PTPRD: variants seen among roughly 807,000 people sequenced by gnomAD.
The protein encoded by PTPRD is receptor-type tyrosine-protein phosphatase delta.
PTPRD carries 34 observed loss-of-function variants against 214.5 expected under a neutral mutation model. The observed-to-expected ratio is 0.16, with a 90% CI of 0.12 to 0.21. The LOEUF (loss-of-function observed/expected upper bound fraction) is 0.21. PTPRD is among the 10% of genes least tolerant of loss of function. The pLI, the probability that PTPRD is intolerant of heterozygous loss-of-function variation, is 1.00. For missense variants in PTPRD, 2,545 were observed against 2,398.7 expected (o/e 1.06, Z -1.27); for synonymous variants, 1,128 against 845.7 (o/e 1.33, Z -5.79).
chr9:9,472,220 G>A (rs1187801024), intron 8 of PTPRD, among the ~76,000 whole-genome samples: 2 of 138,906 alleles, frequency 1.4e-5, no homozygotes, highest in African/African-American at 5.5e-5. Context: ...TTTTTGAGAC[G>A]GAGTCTTGCT....
At chr9:8,501,998 T>C (rs951839250) in intron 23 of PTPRD, among the ~76,000 whole-genome samples, 3 of 152,148 alleles carry the variant, frequency 2.0e-5, no homozygotes, top group African/African-American at 4.8e-5. Context: ...CTGGAAAAGA[T>C]ATAATTTCTG....
At chr9:10,473,381 T>G (rs2099043504) in intron 2 of PTPRD, among the ~76,000 whole-genome samples, 1 of 152,250 alleles carries the variant, frequency 6.6e-6, no homozygotes, top group African/African-American at 2.4e-5. Flanking sequence ...GTCTGGATAC[T>G]AGCATGTCTC....
chr9:10,115,156 C>T (rs2098720774), intron 3 of PTPRD, among the ~76,000 whole-genome samples: 1 of 151,840 alleles, frequency 6.6e-6, no homozygotes, highest in Admixed American at 6.6e-5. Flanking sequence ...AGAAAAGACA[C>T]ACACTATATT....
At chr9:10,185,927 A>G (rs917923368) in intron 3 of PTPRD, among the ~76,000 whole-genome samples, 1 of 152,276 alleles carries the variant, frequency 6.6e-6, no homozygotes, top group Non-Finnish European at 1.5e-5. Flanking sequence ...ATAAATAATG[A>G]GAGGTTCCAG....
chr9:10,553,143 C>T (rs2061715704), intron 2 of PTPRD, among the ~76,000 whole-genome samples: 1 of 152,106 alleles, frequency 6.6e-6, no homozygotes, highest in African/African-American at 2.4e-5. Flanking sequence ...TATTCCTGTC[C>T]ATCCAGCCTA....
Position 9,770,654 on chromosome 9 carries a change from C to T in PTPRD, c.-367-3803G>A, listed in dbSNP as rs906789607. On this transcript the variant is annotated intron_variant, in intron 5 of 45. Coordinates refer to ENST00000381196, the MANE Select transcript of PTPRD (RefSeq NM_002839.4). ...TTAACCTGTAAAATATGAATGTTTT[C>T]TTAATATTGATTTAGTGATGCTGAC... 3.3e-5 allele frequency among the ~76,000 whole-genome samples: 5 copies of T among 151,938 alleles called. No homozygotes were observed. In the East Asian group the frequency reaches 9.7e-4, roughly 29 times the overall value.
intron 34 of PTPRD, among the ~76,000 whole-genome samples, chr9:8,440,740 G>A (rs1256042496): frequency 6.6e-6 from 1 of 152,158 alleles, no homozygotes; most frequent in Non-Finnish European, 1.5e-5. Context: ...TTAGGTTGGA[G>A]GAAAAAACAA....
intron 3 of PTPRD, among the ~76,000 whole-genome samples, chr9:10,195,624 C>G (rs1243433555): frequency 6.6e-6 from 1 of 152,066 alleles, no homozygotes; most frequent in Non-Finnish European, 1.5e-5. Flanking sequence ...ATAATTTATC[C>G]CTCTGTCATC....
chr9:9,479,192 C>CACAT (rs937276297), intron 8 of PTPRD, among the ~76,000 whole-genome samples: 1 of 143,570 alleles, frequency 7.0e-6, no homozygotes, highest in Non-Finnish European at 1.5e-5. Context: ...AAATAAGTCA[C>CACAT]ACATACATAC....
chr9:8,900,083 C>A (rs1253164449), intron 11 of PTPRD, among the ~76,000 whole-genome samples: 1 of 152,114 alleles, frequency 6.6e-6, no homozygotes, highest in Non-Finnish European at 1.5e-5. Flanking sequence ...GAGTAATGGA[C>A]TATTCTATTC....
chr9:8,797,870 T>TC, intron 11 of PTPRD, among the ~76,000 whole-genome samples: 1 of 43,860 alleles, frequency 2.3e-5, no homozygotes, highest in East Asian at 9.9e-4. Flanking sequence ...TTTAACAGAA[T>TC]TTTTTTTTTT....
intron 9 of PTPRD, among the ~76,000 whole-genome samples, chr9:9,333,504 T>TTTTATATATATATATAATATTATATATA (rs544075539): frequency 7.3e-6 from 1 of 137,248 alleles, no homozygotes; most frequent in African/African-American, 2.9e-5. Context: ...ATATAGTATA[T>TTTTATATATATATATAATATTATATATA]TATATATATA....
intron 14 of PTPRD, among the ~76,000 whole-genome samples, chr9:8,568,874 T>C (rs980491784): frequency 1.5e-4 from 23 of 152,050 alleles, no homozygotes; most frequent in Non-Finnish European, 2.6e-4. Context: ...AATATGGTAA[T>C]ACTCAGTTGC....
chr9:10,027,357 T>C (rs1393506643), intron 4 of PTPRD, among the ~76,000 whole-genome samples: 1 of 152,150 alleles, frequency 6.6e-6, no homozygotes, highest in Non-Finnish European at 1.5e-5. Context: ...AGACAGAATT[T>C]GACCTTTTCC....
At chr9:9,216,250 A>C (rs1267947210) in intron 9 of PTPRD, among the ~76,000 whole-genome samples, 1 of 152,180 alleles carries the variant, frequency 6.6e-6, no homozygotes, top group Non-Finnish European at 1.5e-5. Flanking sequence ...CCTGGAATAT[A>C]GACACAACAA....
At chr9:10,381,870 TCA>T (rs1377452493) in intron 2 of PTPRD, among the ~76,000 whole-genome samples, 1 of 151,966 alleles carries the variant, frequency 6.6e-6, no homozygotes, top group African/African-American at 2.4e-5. Context: ...TCTGTAGCTC[TCA>T]GTTTTCCCAA....
intron 7 of PTPRD, among the ~76,000 whole-genome samples, chr9:9,598,189 A>T: frequency 6.6e-6 from 1 of 152,040 alleles, no homozygotes; most frequent in Middle Eastern, 3.2e-3. Flanking sequence ...GAATAAGAGT[A>T]AAGGGGTTGC....
chr9:10,139,613 G>C (rs990919827), intron 3 of PTPRD, among the ~76,000 whole-genome samples: 1 of 152,006 alleles, frequency 6.6e-6, no homozygotes, highest in Non-Finnish European at 1.5e-5. Flanking sequence ...AAATGAGCTG[G>C]AGATATGTTA....
intron 3 of PTPRD, among the ~76,000 whole-genome samples, chr9:10,189,939 G>A (rs969243496): frequency 1.7e-4 from 26 of 152,126 alleles, no homozygotes; most frequent in Non-Finnish European, 2.9e-4. Context: ...GAGAAAGCAA[G>A]AGGATGTTCA....
Sources: gnomAD v4.1 joint callset for allele counts (sites outside exome capture counted in the v4.1 genomes callset) on GRCh38, gnomAD v4.1.1 for gene constraint, MANE v1.5 for transcripts, NCBI Gene and HGNC (gene_info 2026-07-23, HGNC 2026-07-21) for gene names.